The following DPP10 variants were observed in gnomAD, a reference collection of about 807,000 sequenced individuals.
DPP10 encodes the protein inactive dipeptidyl peptidase 10.
A neutral mutation model predicts 120.9 loss-of-function variants in DPP10; 33 were observed. That is an observed-to-expected ratio of 0.27 (90% CI 0.21 to 0.37). The LOEUF is 0.37. Among genes scored for constraint, DPP10 ranks in the 10% least tolerant of loss-of-function variants. DPP10 has a pLI of 1.00. For missense variants in DPP10, 816 were observed against 942.8 expected, an observed-to-expected ratio of 0.87 and a Z score of 1.76; for synonymous variants, 337 against 326.1, an observed-to-expected ratio of 1.03 and a Z score of -0.36.
intron 1 of DPP10, among the ~76,000 whole-genome samples, chr2:114,746,484 A>C (rs1678587819): frequency 6.6e-6 from 1 of 152,220 alleles, no homozygotes; most frequent in Non-Finnish European, 1.5e-5. Flanking sequence ...CAGTCAAAGA[A>C]ATCAGGGAAC....
At chr2:114,683,934 T>G (rs1160051397) in intron 1 of DPP10, among the ~76,000 whole-genome samples, 1 of 151,996 alleles carries the variant, frequency 6.6e-6, no homozygotes, top group Non-Finnish European at 1.5e-5. Flanking sequence ...ACATGGCCAT[T>G]TCCACATGAC....
At chr2:115,015,373 G>A (rs1439320060) in intron 1 of DPP10, among the ~76,000 whole-genome samples, 2 of 152,104 alleles carry the variant, frequency 1.3e-5, no homozygotes, top group East Asian at 3.9e-4. Context: ...AGCTCTTTAT[G>A]ACAAACCCAC....
At chr2:115,658,717 G>A (rs1444918736) in intron 5 of DPP10, among the ~76,000 whole-genome samples, 5 of 152,052 alleles carry the variant, frequency 3.3e-5, no homozygotes, top group Admixed American at 3.3e-4. Flanking sequence ...AAATAAAAAT[G>A]TCTTTTTATT....
chr2:115,260,445 C>T (rs2059202617), intron 1 of DPP10, among the ~76,000 whole-genome samples: 2 of 152,076 alleles, frequency 1.3e-5, no homozygotes, highest in South Asian at 4.1e-4. Flanking sequence ...GTCAGACGTT[C>T]AACTCAAGAA....
intron 1 of DPP10, among the ~76,000 whole-genome samples, chr2:114,510,449 CA>C (rs1482765781): frequency 9.2e-5 from 14 of 151,894 alleles, no homozygotes; most frequent in Non-Finnish European, 2.1e-4. Context: ...ACTAAAAATA[CA>C]AAAATTAGCT....
At chr2:114,547,300 C>T (rs958102386) in intron 1 of DPP10, among the ~76,000 whole-genome samples, 2 of 152,228 alleles carry the variant, frequency 1.3e-5, no homozygotes, top group African/African-American at 4.8e-5. Flanking sequence ...TCCACTCCTG[C>T]CCAGTCACGG....
At chr2:115,523,449 G>A (rs573653057) in intron 4 of DPP10, among the ~76,000 whole-genome samples, 25 of 146,510 alleles carry the variant, frequency 1.7e-4, no homozygotes, top group Admixed American at 1.6e-3. Context: ...ATAATGTAAG[G>A]CTTATGAAAA....
intron 1 of DPP10, among the ~76,000 whole-genome samples, chr2:115,257,254 C>T (rs1438112043): frequency 6.6e-6 from 1 of 152,092 alleles, no homozygotes; most frequent in East Asian, 1.9e-4. Flanking sequence ...TTAGCAATAC[C>T]CCACTCCTCA....
intron 1 of DPP10, among the ~76,000 whole-genome samples, chr2:114,825,940 A>AG (rs1686494205): frequency 6.6e-6 from 1 of 152,190 alleles, no homozygotes; most frequent in Non-Finnish European, 1.5e-5. Flanking sequence ...TTTTCTACAA[A>AG]GCTGTTTTCA....
intron 1 of DPP10, among the ~76,000 whole-genome samples, chr2:114,683,743 C>T (rs972209267): frequency 6.6e-6 from 1 of 151,802 alleles, no homozygotes; most frequent in African/African-American, 2.4e-5. Flanking sequence ...GCAGCTCAGC[C>T]CTTCTCCCCT....
intron 1 of DPP10, among the ~76,000 whole-genome samples, chr2:115,037,620 T>C (rs537466950): frequency 2.6e-5 from 4 of 152,332 alleles, no homozygotes; most frequent in Admixed American, 2.6e-4. Context: ...TGCAGGCACC[T>C]GGATTGACTC....
At chr2:114,902,836 C>T (rs1188449731) in intron 1 of DPP10, among the ~76,000 whole-genome samples, 2 of 152,136 alleles carry the variant, frequency 1.3e-5, no homozygotes, top group Non-Finnish European at 2.9e-5. Flanking sequence ...AATTAAGTTT[C>T]ACTCTTGGTG....
At chr2:114,797,661 C>A (rs1390255978) in intron 1 of DPP10, among the ~76,000 whole-genome samples, 1 of 152,022 alleles carries the variant, frequency 6.6e-6, no homozygotes, top group Non-Finnish European at 1.5e-5. Context: ...ATACATGAGG[C>A]CATACTGATG....
intron 1 of DPP10, among the ~76,000 whole-genome samples, chr2:114,538,909 G>A (rs1045336127): frequency 3.3e-5 from 5 of 152,046 alleles, no homozygotes; most frequent in East Asian, 3.9e-4. Context: ...GCTTCACATC[G>A]CTTTTTCTCA....
At chr2:114,989,695 T>C (rs1279911831) in intron 1 of DPP10, among the ~76,000 whole-genome samples, 3 of 152,226 alleles carry the variant, frequency 2.0e-5, no homozygotes, top group Non-Finnish European at 2.9e-5. Flanking sequence ...GAGATTACTT[T>C]GAAGGTGGTT....
chr2:115,114,790 C>T (rs1463602471), intron 1 of DPP10, among the ~76,000 whole-genome samples: 4 of 152,008 alleles, frequency 2.6e-5, no homozygotes, highest in South Asian at 4.1e-4. Context: ...AATTACTTTT[C>T]GCCTGCCTCT....
chr2:115,346,180 C>T (rs1473034244), intron 3 of DPP10, among the ~76,000 whole-genome samples: 1 of 152,210 alleles, frequency 6.6e-6, no homozygotes, highest in Non-Finnish European at 1.5e-5. Flanking sequence ...ACGTATTCCT[C>T]ACATAGCCTG....
At chr2:115,740,029 T>A (rs62155340) in intron 9 of DPP10, 136 bp downstream of exon 9, 4 of 918,856 alleles carry the variant, frequency 4.4e-6, no homozygotes, top group Non-Finnish European at 5.1e-6. Context: ...ACTCATCACT[T>A]TCGATCTCCC....
At chr2:114,911,314 A>G (rs1694351771) in intron 1 of DPP10, among the ~76,000 whole-genome samples, 1 of 152,148 alleles carries the variant, frequency 6.6e-6, no homozygotes, top group Non-Finnish European at 1.5e-5. Context: ...TTGTTTGTAG[A>G]GCCCTAATGA....
Sources: gnomAD v4.1 joint callset for allele counts (sites outside exome capture counted in the v4.1 genomes callset) on GRCh38, gnomAD v4.1.1 for gene constraint, MANE v1.5 for transcripts, NCBI Gene and HGNC (gene_info 2026-07-23, HGNC 2026-07-21) for gene names.